KHDRBS2: variants seen among roughly 807,000 people sequenced by gnomAD.
KHDRBS2 encodes KH domain-containing, RNA-binding, signal transduction-associated protein 2.
A neutral mutation model predicts 44.3 loss-of-function variants in KHDRBS2; 26 were observed. That is an observed-to-expected ratio of 0.59 (90% CI 0.43 to 0.81). KHDRBS2 has a LOEUF of 0.81. Ranked by LOEUF, KHDRBS2 falls within the 40% of genes least tolerant of loss-of-function variation. The probability of loss-of-function intolerance (pLI) is 0.00; values close to 1 mark genes in which losing one functional copy is unlikely to be tolerated. For synonymous variants in KHDRBS2, 194 were observed against 151.1 expected (o/e 1.28, Z -2.08); for missense variants, 476 against 433.1 (o/e 1.10, Z -0.88).
At chr6:61,804,599 T>C (rs1786834859) in intron 6 of KHDRBS2, among the ~76,000 whole-genome samples, 1 of 152,218 alleles carries the variant, frequency 6.6e-6, no homozygotes, top group African/African-American at 2.4e-5. Context: ...TGCCTGAATA[T>C]CCAAGCATTT....
chr6:62,169,220 C>CGTAT (rs1163003308), intron 2 of KHDRBS2, among the ~76,000 whole-genome samples: 10 of 144,630 alleles, frequency 6.9e-5, no homozygotes, highest in East Asian at 4.1e-4. Flanking sequence ...TGTATATATA[C>CGTAT]ACACACACAT....
intron 2 of KHDRBS2, among the ~76,000 whole-genome samples, chr6:62,149,453 G>A (rs2150104185): frequency 6.6e-6 from 1 of 152,046 alleles, no homozygotes; most frequent in South Asian, 2.1e-4. Context: ...AAATCACCCT[G>A]CAGTTCACCT....
At chr6:61,761,579 C>T (rs1420046073) in intron 6 of KHDRBS2, among the ~76,000 whole-genome samples, 1 of 152,048 alleles carries the variant, frequency 6.6e-6, no homozygotes, top group Non-Finnish European at 1.5e-5. Flanking sequence ...CCATAAATGT[C>T]AAATAAATAT....
chr6:62,205,749 T>C (rs998264240), intron 1 of KHDRBS2, among the ~76,000 whole-genome samples: 10 of 152,120 alleles, frequency 6.6e-5, no homozygotes, highest in African/African-American at 2.4e-4. Flanking sequence ...TCAAATAAAA[T>C]CTGCACATCT....
intron 2 of KHDRBS2, among the ~76,000 whole-genome samples, chr6:62,074,543 T>C (rs1795945204): frequency 6.6e-6 from 1 of 151,958 alleles, no homozygotes; most frequent in Admixed American, 6.6e-5. Flanking sequence ...CAATTTCTGG[T>C]CACAAATTCA....
chr6:61,594,033 T>G, the KHDRBS2 span, among the ~76,000 whole-genome samples: 1 of 152,074 alleles, frequency 6.6e-6, no homozygotes, highest in African/African-American at 2.4e-5. Flanking sequence ...ATATCTTTAT[T>G]GAGCTCATAC....
chr6:61,774,454 GA>G (rs1414476660), intron 6 of KHDRBS2, among the ~76,000 whole-genome samples: 5 of 152,088 alleles, frequency 3.3e-5, no homozygotes, highest in African/African-American at 1.2e-4. Context: ...AAAGTCTCAG[GA>G]TACAAAATCA....
intron 1 of KHDRBS2, among the ~76,000 whole-genome samples, chr6:62,264,033 A>T (rs1838791945): frequency 6.6e-6 from 1 of 151,756 alleles, no homozygotes; most frequent in Non-Finnish European, 1.5e-5. Flanking sequence ...CAATCTGAAA[A>T]CATCAACCAG....
intron 6 of KHDRBS2, among the ~76,000 whole-genome samples, chr6:61,748,445 A>G (rs1181041728): frequency 1.3e-5 from 2 of 152,168 alleles, no homozygotes; most frequent in Admixed American, 6.5e-5. Flanking sequence ...CCACCATGTG[A>G]GCAGGAAGAG....
intron 4 of KHDRBS2, among the ~76,000 whole-genome samples, chr6:61,906,735 T>G (rs1805105587): frequency 6.6e-6 from 1 of 152,222 alleles, no homozygotes. Context: ...GATTTTATTC[T>G]TTTTATGGCA....
At chr6:61,950,781 C>A (rs550643088) in intron 4 of KHDRBS2, among the ~76,000 whole-genome samples, 1 of 152,028 alleles carries the variant, frequency 6.6e-6, no homozygotes, top group South Asian at 2.1e-4. Flanking sequence ...AGTTCCATTG[C>A]CATATCTTTT....
chr6:62,167,309 A>G (rs1316214993), intron 2 of KHDRBS2, among the ~76,000 whole-genome samples: 1 of 152,164 alleles, frequency 6.6e-6, no homozygotes, highest in Non-Finnish European at 1.5e-5. Flanking sequence ...GAGTAGAAGC[A>G]CAACTAATTC....
chr6:62,263,778 T>C, intron 1 of KHDRBS2, among the ~76,000 whole-genome samples: 1 of 151,762 alleles, frequency 6.6e-6, no homozygotes, highest in East Asian at 1.9e-4. Flanking sequence ...AGCCTTGAGG[T>C]GAAATGGTCT....
intron 1 of KHDRBS2, among the ~76,000 whole-genome samples, chr6:62,181,977 T>C (rs552968289): frequency 6.6e-6 from 1 of 152,064 alleles, no homozygotes; most frequent in South Asian, 2.1e-4. Flanking sequence ...TTCAGAGCTA[T>C]GATAAATAAA....
chr6:61,863,146 C>A (rs1418370959), intron 6 of KHDRBS2, among the ~76,000 whole-genome samples: 1 of 151,704 alleles, frequency 6.6e-6, no homozygotes, highest in Non-Finnish European at 1.5e-5. Context: ...CTTACCATTT[C>A]TGGTTCTTTT....
At chr6:61,593,723 G>A in the KHDRBS2 span, among the ~76,000 whole-genome samples, 5 of 152,058 alleles carry the variant, frequency 3.3e-5, no homozygotes, top group Admixed American at 6.6e-5. Flanking sequence ...AAAGGCTTAG[G>A]AGCCAAACCA....
At chr6:61,581,237 A>G in the KHDRBS2 span, among the ~76,000 whole-genome samples, 289 of 152,148 alleles carry the variant, frequency 1.9e-3, 1 homozygote, top group Non-Finnish European at 8.8e-4. Context: ...GCCATGCACA[A>G]TGTGCATTGT....
intron 6 of KHDRBS2, among the ~76,000 whole-genome samples, chr6:61,891,558 G>A (rs1315213033): frequency 4.6e-5 from 7 of 151,938 alleles, no homozygotes; most frequent in Admixed American, 2.6e-4. Flanking sequence ...GAATCTGTCT[G>A]GTCCTGGACT....
chr6:62,128,544 ATCTC>A lies in KHDRBS2; in HGVS notation c.219+48637_219+48640del, dbSNP rs5876776. Among the ~76,000 whole-genome samples the A allele has an allele frequency of 2.5e-3, 364 of 148,258 alleles. 1 individual carries two copies. Among genetic ancestry groups the A allele is most frequent in the Admixed American group, 5.9e-3 (88 of 14,844 alleles). ...AATGATCTCTAAATTTCTTTTAATG[ATCTC>A]TCTCTCTCTCTCTCTCTCTCTCTTC... On this transcript the variant is annotated intron_variant, in intron 2 of 8. Coordinates refer to ENST00000281156, the MANE Select transcript of KHDRBS2 (RefSeq NM_152688.4).
Sources: gnomAD v4.1 joint callset for allele counts (sites outside exome capture counted in the v4.1 genomes callset) on GRCh38, gnomAD v4.1.1 for gene constraint, MANE v1.5 for transcripts, NCBI Gene and HGNC (gene_info 2026-07-23, HGNC 2026-07-21) for gene names.